The following SFXN5 variants were observed in gnomAD, a reference collection of about 807,000 sequenced individuals.
The protein encoded by SFXN5 is sideroflexin-5.
SFXN5 carries 43 observed loss-of-function variants against 50.2 expected under a neutral mutation model. The observed-to-expected ratio is 0.86, with a 90% CI of 0.67 to 1.11. SFXN5 has a LOEUF of 1.11. Among genes scored for constraint, SFXN5 ranks in the 50% least tolerant of loss-of-function variants. The pLI is 0.00. For synonymous variants in SFXN5, 203 were observed against 185.8 expected, an observed-to-expected ratio of 1.09 and a Z score of -0.75; for missense variants, 463 against 454.1, an observed-to-expected ratio of 1.02 and a Z score of -0.18.
chr2:72,997,956 C>T (rs937977489), intron 9 of SFXN5: 1 of 152,056 alleles, frequency 6.6e-6, no homozygotes, highest in Non-Finnish European at 1.5e-5. Flanking sequence ...CTGTTCACAG[C>T]TGCAATCATA....
intron 10 of SFXN5, among the ~76,000 whole-genome samples, chr2:72,974,919 C>T (rs778087072): frequency 2.0e-5 from 3 of 151,524 alleles, no homozygotes; most frequent in Admixed American, 6.6e-5. Context: ...CAGGTCTCCT[C>T]TCCAACACAC....
At chr2:73,035,939 G>A (rs1018456782) in intron 3 of SFXN5, among the ~76,000 whole-genome samples, 1 of 152,182 alleles carries the variant, frequency 6.6e-6, no homozygotes, top group African/African-American at 2.4e-5. Flanking sequence ...GTTGTACCTG[G>A]AGGTCAGGTT....
chr2:73,011,149 G>GCTCAAGTAATCCTCCCAC (rs1675450832), intron 6 of SFXN5, among the ~76,000 whole-genome samples: 1 of 152,194 alleles, frequency 6.6e-6, no homozygotes, highest in South Asian at 2.1e-4. Flanking sequence ...AAACTCCTCA[G>GCTCAAGTAATCCTCCCAC]CTCAAGTAAT....
chr2:72,972,055 C>T (rs749597054), intron 10 of SFXN5, among the ~76,000 whole-genome samples: 1 of 152,188 alleles, frequency 6.6e-6, no homozygotes, highest in Non-Finnish European at 1.5e-5. Context: ...CCCCTGACCC[C>T]GAGGCCTGAT....
In SFXN5 at chr2:72,961,220, G is replaced by GC; in HGVS notation, c.855dup (p.Leu286AlafsTer32). 2 of 1,541,328 alleles carry GC rather than the reference G, an allele frequency of 1.3e-6. No homozygotes were observed. The highest frequency in any genetic ancestry group is 1.7e-6 in the Non-Finnish European group (2 of 1,151,010). On this transcript the variant is annotated frameshift_variant, in exon 13 of 14. Coordinates refer to ENST00000272433, the MANE Select transcript of SFXN5 (RefSeq NM_144579.3). LOFTEE classifies it high-confidence loss of function. This position sits in a 1 kb window ranked among gnomAD's most constrained non-coding sequence, Gnocchi z 4.4. ...ACGAGGCTTTGCACAGGGAGGAGCA[G>GC]CCGGGGGCGTGCCTGCAGGAGAGCC...
intron 10 of SFXN5, among the ~76,000 whole-genome samples, chr2:72,972,705 G>A (rs549865998): frequency 2.4e-4 from 36 of 152,022 alleles, no homozygotes; most frequent in African/African-American, 8.2e-4. Context: ...GGTGGGGAGT[G>A]GGGGGTGACA....
At chr2:73,043,429 A>C (rs367682949) in intron 2 of SFXN5, among the ~76,000 whole-genome samples, 4 of 152,222 alleles carry the variant, frequency 2.6e-5, no homozygotes, top group African/African-American at 9.6e-5. Flanking sequence ...CAAACCAGAG[A>C]GGCCACCCTC....
chr2:73,028,869 G>C (rs1677937536), intron 3 of SFXN5, among the ~76,000 whole-genome samples: 1 of 152,156 alleles, frequency 6.6e-6, no homozygotes, highest in Admixed American at 6.5e-5. Flanking sequence ...AGGATACAAT[G>C]AAAAAGAGGG....
At chr2:73,052,282 A>G (rs190627978) in intron 2 of SFXN5, among the ~76,000 whole-genome samples, 1 of 152,018 alleles carries the variant, frequency 6.6e-6, no homozygotes, top group Non-Finnish European at 1.5e-5. Flanking sequence ...TGTGGTGTCA[A>G]AAGTTCTAGG....
chr2:73,042,573 A>C (rs1679791272), intron 2 of SFXN5: 1 of 152,200 alleles, frequency 6.6e-6, no homozygotes, highest in African/African-American at 2.4e-5. Flanking sequence ...AGATCACGCC[A>C]CTGCACTCCA....
chr2:73,018,266 GA>G (rs1389968590), intron 6 of SFXN5, among the ~76,000 whole-genome samples: 1 of 150,254 alleles, frequency 6.7e-6, no homozygotes, highest in Non-Finnish European at 1.5e-5. Context: ...AAGGAAAGGA[GA>G]AAGGAAAAGA....
At chr2:73,060,233 G>A (rs1682643771) in intron 1 of SFXN5, among the ~76,000 whole-genome samples, 1 of 152,138 alleles carries the variant, frequency 6.6e-6, no homozygotes, top group African/African-American at 2.4e-5. Context: ...GCACCAGGAA[G>A]TAATGAAGTC....
intron 10 of SFXN5, among the ~76,000 whole-genome samples, chr2:72,982,249 T>A (rs962096099): frequency 1.3e-5 from 2 of 148,468 alleles, no homozygotes; most frequent in African/African-American, 4.9e-5. Context: ...GTGCCCAGGA[T>A]GATCTGGAAA....
At chr2:73,051,449 G>A (rs187592441) in intron 2 of SFXN5, among the ~76,000 whole-genome samples, 3 of 152,018 alleles carry the variant, frequency 2.0e-5, no homozygotes, top group African/African-American at 7.2e-5. Flanking sequence ...GTAGAGACAG[G>A]GTTTCACCAT....
At chr2:73,028,510 C>A (rs370839369) in intron 3 of SFXN5, among the ~76,000 whole-genome samples, 1 of 152,188 alleles carries the variant, frequency 6.6e-6, no homozygotes, top group African/African-American at 2.4e-5. Context: ...CCATGAGTGT[C>A]CCCTGTGGCT....
At chr2:73,064,120 C>G (rs918030321) in intron 1 of SFXN5, among the ~76,000 whole-genome samples, 2 of 152,188 alleles carry the variant, frequency 1.3e-5, no homozygotes, top group Non-Finnish European at 2.9e-5. Flanking sequence ...CATCTGCAAG[C>G]CCCCCAGGGA....
chr2:73,050,425 T>C (rs973981052), intron 2 of SFXN5, among the ~76,000 whole-genome samples: 3 of 100,788 alleles, frequency 3.0e-5, no homozygotes, highest in African/African-American at 1.7e-4. Context: ...CACACACCCC[T>C]GCAGAGTTAG....
intron 1 of SFXN5, 107 bp downstream of exon 1, chr2:73,071,491 AGGCTCC>A: frequency 1.1e-6 from 1 of 942,592 alleles, no homozygotes; most frequent in Non-Finnish European, 1.6e-6. Flanking sequence ...CGCTAGCTGC[AGGCTCC>A]GCTGGCCGCG....
rs531005307 is a variant in SFXN5 at position 72,968,753 on chromosome 2, T to C, written c.742-220A>G. On this transcript the variant is annotated intron_variant, in intron 11 of 13. Transcript: ENST00000272433. ...CTCCTTCCCTCCCTCCCTCTTTCTT[T>C]CCTTCCTTTTTTCTTTCCTCTCTCT... is the stretch of plus-strand genomic sequence containing the variant. Among the ~76,000 whole-genome samples the C allele has an allele frequency of 2.0e-4, 30 of 152,116 alleles. No individual in the cohort carries two copies. In the South Asian group the frequency reaches 3.9e-3, roughly 20 times the overall value.
Sources: allele counts gnomAD v4.1 joint callset (sites outside exome capture counted in the v4.1 genomes callset), GRCh38; gene constraint gnomAD v4.1.1; non-coding constraint Gnocchi (gnomAD v3.1); transcripts MANE v1.5; gene names NCBI Gene and HGNC (gene_info 2026-07-23, HGNC 2026-07-21).